IFT46: variants seen among roughly 807,000 people sequenced by gnomAD.
IFT46 encodes intraflagellar transport 46.
A neutral mutation model predicts 39.6 loss-of-function variants in IFT46; 19 were observed. The ratio of observed to expected loss-of-function variants is 0.48; its 90% CI spans 0.33 to 0.70. IFT46 has a LOEUF of 0.70. Ranked by LOEUF, IFT46 falls within the 30% of genes least tolerant of loss-of-function variation. The probability of loss-of-function intolerance (pLI) is 0.01; values close to 1 mark genes in which losing one functional copy is unlikely to be tolerated. For synonymous variants in IFT46, 117 were observed against 134.8 expected (o/e 0.87, Z 0.91); for missense variants, 334 against 364.8 (o/e 0.92, Z 0.69).
intron 6 of IFT46, 120 bp from the exon 7 acceptor site, chr11:118,554,707 A>G: frequency 9.2e-7 from 1 of 1,084,714 alleles, no homozygotes; most frequent in South Asian, 1.6e-5. Context: ...GCTGTACGCA[A>G]TACTATCCAG....
chr11:118,569,216 T>C (rs1938288645), upstream of IFT46, among the ~76,000 whole-genome samples: 1 of 151,390 alleles, frequency 6.6e-6, no homozygotes, highest in South Asian at 2.1e-4. Flanking sequence ...GAGGCAGAGG[T>C]TGCAGTGAGC....
chr11:118,549,918 A>G (rs868964102), intron 9 of IFT46, among the ~76,000 whole-genome samples: 1 of 143,492 alleles, frequency 7.0e-6, no homozygotes, highest in African/African-American at 2.6e-5. Flanking sequence ...CTCCCACTCC[A>G]TTATGACTTT....
chr11:118,575,609 C>G (rs550630887), upstream of IFT46, among the ~76,000 whole-genome samples: 1 of 152,230 alleles, frequency 6.6e-6, no homozygotes, highest in South Asian at 2.1e-4. Flanking sequence ...ACAGAACAGT[C>G]CTCCCTGACA....
At chr11:118,572,734 A>C in exon 1 of IFT46, 2 of 584,156 alleles carry the variant, frequency 3.4e-6, no homozygotes, top group Non-Finnish European at 5.8e-6. Context: ...GATGGAGCTG[A>C]CTCCAGTCCA....
At chr11:118,551,967 C>T in intron 8 of IFT46, 115 bp from the exon 9 acceptor site, 3 of 1,154,308 alleles carry the variant, frequency 2.6e-6, no homozygotes, top group Non-Finnish European at 3.8e-6. Flanking sequence ...ATCAGGAAGG[C>T]TTCAGGAGAA....
upstream of IFT46, among the ~76,000 whole-genome samples, chr11:118,576,098 A>G (rs1291432261): frequency 6.6e-6 from 1 of 152,118 alleles, no homozygotes; most frequent in African/African-American, 2.4e-5. Context: ...ATAATCAATT[A>G]AGTGACTTAT....
chr11:118,550,371 C>A (rs1288874757), intron 9 of IFT46, among the ~76,000 whole-genome samples: 1 of 152,140 alleles, frequency 6.6e-6, no homozygotes, highest in East Asian at 1.9e-4. Flanking sequence ...AATTAAATTT[C>A]TCCTATATTT....
upstream of IFT46, among the ~76,000 whole-genome samples, chr11:118,575,396 C>T (rs1938469113): frequency 6.7e-6 from 1 of 148,900 alleles, no homozygotes; most frequent in South Asian, 2.2e-4. Context: ...AAGTTCACTG[C>T]AGAAACTGAT....
upstream of IFT46, among the ~76,000 whole-genome samples, chr11:118,570,337 G>A (rs1332126550): frequency 6.6e-6 from 1 of 152,074 alleles, no homozygotes; most frequent in Non-Finnish European, 1.5e-5. Context: ...TGGGATTACA[G>A]GCGTGAGCCA....
At chr11:118,570,493 C>G (rs1000375857), upstream of IFT46, among the ~76,000 whole-genome samples, 1 of 152,130 alleles carries the variant, frequency 6.6e-6, no homozygotes, top group African/African-American at 2.4e-5. Flanking sequence ...GTGTAAAGTA[C>G]CTGACACAAA....
At chr11:118,557,234 C>T (rs1812070408) in intron 3 of IFT46, 189 bp from the exon 4 acceptor site, 2 of 488,624 alleles carry the variant, frequency 4.1e-6, no homozygotes, top group Non-Finnish European at 7.1e-6. Context: ...ATGGGGACTC[C>T]ACTTTCTAGA....
rs781894055 is a variant in IFT46 at position 118,552,224 on chromosome 11, G to A, written c.595C>T (p.His199Tyr). 1 of 1,614,090 alleles carries A rather than the reference G, an allele frequency of 6.2e-7. No individual in the cohort carries two copies. The highest frequency in any genetic ancestry group is 8.5e-7 in the Non-Finnish European group (1 of 1,179,996). The part of the protein sequence containing the change: ...LHRSKPPATV[H>Y]YTRPMPDIDT... ...TGTGGTATTTCTTACCTGGTGTAGTGCACAGTCGCAGGGGGCTTAGAACGG... is the reference window on the plus strand; with the variant it reads ...TGTGGTATTTCTTACCTGGTGTAGTACACAGTCGCAGGGGGCTTAGAACGG... The change falls in exon 8 of 12, where the codon CAC becomes TAC. Residue 199 changes from histidine to tyrosine, a missense_variant. Transcript: ENST00000264021.
chr11:118,572,048 C>T (rs1938348012), intron 1 of IFT46, among the ~76,000 whole-genome samples: 2 of 150,216 alleles, frequency 1.3e-5, no homozygotes, highest in Non-Finnish European at 1.5e-5. Flanking sequence ...CGAGATCACG[C>T]CATTGCACTC....
At chr11:118,552,477 G>A in intron 7 of IFT46, 142 bp from the exon 8 acceptor site, 3 of 990,456 alleles carry the variant, frequency 3.0e-6, no homozygotes, top group Non-Finnish European at 4.5e-6. Flanking sequence ...CCAAATGAAG[G>A]GGATAGAAAA....
upstream of IFT46, among the ~76,000 whole-genome samples, chr11:118,575,091 G>T (rs577482345): frequency 1.3e-5 from 2 of 152,226 alleles, no homozygotes; most frequent in Non-Finnish European, 2.9e-5. Context: ...CTATCCTCCT[G>T]CCTCAGCCTC....
At chr11:118,551,759 C>T (rs782581682) in intron 9 of IFT46, 27 bp downstream of exon 9, 3 of 1,584,160 alleles carry the variant, frequency 1.9e-6, no homozygotes, top group Non-Finnish European at 2.6e-6. Flanking sequence ...TACTTTCTTA[C>T]CCTACCTCCT....
chr11:118,557,120 C>T, intron 3 of IFT46, 75 bp from the exon 4 acceptor site: 1 of 1,343,084 alleles, frequency 7.4e-7, no homozygotes, highest in Non-Finnish European at 9.8e-7. Context: ...TTCTCTATTG[C>T]TCTAACCAAT....
rs112341118 is a variant in IFT46, at chr11:118,555,163, G to T, written c.261-80C>A. The stretch of plus-strand genomic sequence containing the variant: ...TTCAGGCTAAAAAAAAATCTAAGGG[G>T]AATGGCCCTGTTTCAGACTAGAGAT... On this transcript the variant is annotated intron_variant, in intron 5 of 11. Coordinates refer to ENST00000264021, the MANE Select transcript of IFT46 (RefSeq NM_001168618.2). 3,478 of 1,527,370 alleles carry T rather than the reference G, an allele frequency of 2.3e-3. 56 individuals are homozygous for T. In the African/African-American group the frequency reaches 0.038, roughly 17 times the overall value. 94.6% of individuals were successfully genotyped at this position (1,527,370 alleles called of 1,614,324 possible).
At chr11:118,548,534 T>G (rs1951750064) in intron 9 of IFT46, among the ~76,000 whole-genome samples, 1 of 151,072 alleles carries the variant, frequency 6.6e-6, no homozygotes, top group African/African-American at 2.5e-5. Context: ...CTGGCTAATT[T>G]TTGTATTTTT....
Sources: gnomAD v4.1 joint callset for allele counts (sites outside exome capture counted in the v4.1 genomes callset) on GRCh38, gnomAD v4.1.1 for gene constraint, MANE v1.5 for transcripts, NCBI Gene and HGNC (gene_info 2026-07-23, HGNC 2026-07-21) for gene names.